CNBD1: variants seen among roughly 807,000 people sequenced by gnomAD.
The protein encoded by CNBD1 is cyclic nucleotide binding domain containing 1, also known as cyclic nucleotide-binding domain-containing protein 1.
In CNBD1, 71 loss-of-function variants were observed where a neutral mutation model predicts 54.4. The ratio of observed to expected loss-of-function variants is 1.30; its 90% CI spans 1.08 to 1.59. CNBD1 has a LOEUF of 1.59. CNBD1 is among the 40% of genes most tolerant of loss of function. The probability of loss-of-function intolerance (pLI) is 0.00; values close to 1 mark genes in which losing one functional copy is unlikely to be tolerated. For missense variants in CNBD1, 659 were observed against 518.0 expected, an observed-to-expected ratio of 1.27 and a Z score of -2.64; for synonymous variants, 182 against 170.7, an observed-to-expected ratio of 1.07 and a Z score of -0.51.
At chr8:87,151,214 A>G (rs1812596117) in intron 4 of CNBD1, among the ~76,000 whole-genome samples, 2 of 152,198 alleles carry the variant, frequency 1.3e-5, no homozygotes, top group Admixed American at 6.5e-5. Context: ...GAAAATTACC[A>G]GGAGCATCCT....
chr8:86,999,126 C>G (rs921946678), intron 4 of CNBD1, among the ~76,000 whole-genome samples: 2 of 152,088 alleles, frequency 1.3e-5, no homozygotes, highest in East Asian at 3.9e-4. Context: ...GAAGAGTGAC[C>G]GAAGGGCAGG....
intron 4 of CNBD1, among the ~76,000 whole-genome samples, chr8:87,175,115 C>A (rs955204386): frequency 1.3e-5 from 2 of 152,178 alleles, no homozygotes; most frequent in African/African-American, 4.8e-5. Context: ...TCTCTACAGT[C>A]TCAGGTGGTA....
chr8:87,046,963 T>C lies in CNBD1; in HGVS notation c.431+107209T>C, dbSNP rs1267186507. 4.6e-5 allele frequency among the ~76,000 whole-genome samples: 7 copies of C among 152,176 alleles called. No homozygotes were observed. In the East Asian group the frequency reaches 1.4e-3, roughly 29 times the overall value. ...TGTGTTATTTGCTATTCTGATGTAATACTGGTAAGAGGAGTTACGCAGGGG... is the reference window on the plus strand; with the variant it reads ...TGTGTTATTTGCTATTCTGATGTAACACTGGTAAGAGGAGTTACGCAGGGG... On this transcript the variant is annotated intron_variant, in intron 4 of 10. Coordinates refer to ENST00000518476, the MANE Select transcript of CNBD1 (RefSeq NM_173538.3).
At chr8:86,869,714 A>G (rs915767794) in intron 1 of CNBD1, among the ~76,000 whole-genome samples, 1 of 152,336 alleles carries the variant, frequency 6.6e-6, no homozygotes, top group Non-Finnish European at 1.5e-5. Flanking sequence ...GAATTATTTT[A>G]AAAACATCAT....
intron 4 of CNBD1, among the ~76,000 whole-genome samples, chr8:87,068,607 G>A (rs986085305): frequency 3.3e-5 from 5 of 152,072 alleles, no homozygotes; most frequent in Admixed American, 6.6e-5. Context: ...TTTTCTAAAA[G>A]CAAGGGATAT....
At chr8:87,219,469 C>T (rs1814280096) in intron 5 of CNBD1, among the ~76,000 whole-genome samples, 1 of 151,934 alleles carries the variant, frequency 6.6e-6, no homozygotes. Flanking sequence ...ATACCTTCAG[C>T]TTAACCACAA....
chr8:87,152,207 T>C (rs888930864), intron 4 of CNBD1, among the ~76,000 whole-genome samples: 2 of 151,972 alleles, frequency 1.3e-5, no homozygotes, highest in African/African-American at 4.8e-5. Flanking sequence ...GAGTTGACTA[T>C]GGTATTGATG....
At chr8:87,081,921 T>A (rs1313922441) in intron 4 of CNBD1, among the ~76,000 whole-genome samples, 1 of 152,162 alleles carries the variant, frequency 6.6e-6, no homozygotes, top group Admixed American at 6.5e-5. Flanking sequence ...TGATAGAGGA[T>A]TAATTGTAGT....
intron 8 of CNBD1, among the ~76,000 whole-genome samples, chr8:87,334,118 A>G (rs1027496598): frequency 1.3e-5 from 2 of 152,006 alleles, no homozygotes; most frequent in African/African-American, 2.4e-5. Flanking sequence ...GGGAGGGTGT[A>G]TGTGTCCAAG....
rs114268263 is a variant in CNBD1, at chr8:86,939,544, A to G, written c.273-52A>G. On this transcript the variant is annotated intron_variant, in intron 3 of 10. Coordinates refer to ENST00000518476, the MANE Select transcript of CNBD1 (RefSeq NM_173538.3). Reference sequence around the variant, plus strand: ...TGCAATATAGTAAAAGTCCCTGTAAATAATTTTTATGCAGTATACAACAGC... The same window carrying G: ...TGCAATATAGTAAAAGTCCCTGTAAGTAATTTTTATGCAGTATACAACAGC... The G allele has an allele frequency of 2.9e-4, 374 of 1,270,866 alleles. No individual in the cohort carries two copies. The African/African-American group carries it at 5.3e-3, about 18-fold the overall frequency. 78.7% of individuals were successfully genotyped at this position (1,270,866 alleles called of 1,614,324 possible).
chr8:87,284,555 C>A, intron 6 of CNBD1, 123 bp from the exon 7 acceptor site: 1 of 754,256 alleles, frequency 1.3e-6, no homozygotes, highest in Non-Finnish European at 2.0e-6. Context: ...GCCATCCATG[C>A]AGAGACAGTT....
At chr8:87,253,935 T>C (rs975381689) in intron 6 of CNBD1, among the ~76,000 whole-genome samples, 27 of 152,176 alleles carry the variant, frequency 1.8e-4, no homozygotes, top group Admixed American at 3.3e-4. Context: ...TTTGAGTCAC[T>C]AGTAAAATTC....
At chr8:86,879,168 C>G (rs1001810724) in intron 1 of CNBD1, among the ~76,000 whole-genome samples, 2 of 151,958 alleles carry the variant, frequency 1.3e-5, no homozygotes. Flanking sequence ...TCTCACCTGA[C>G]AAATTAGAGT....
chr8:87,220,271 G>A (rs1278326368), intron 5 of CNBD1, among the ~76,000 whole-genome samples: 2 of 151,896 alleles, frequency 1.3e-5, no homozygotes, highest in Non-Finnish European at 2.9e-5. Context: ...TGAGAGGGTC[G>A]ATTTTAAAAG....
At chr8:87,203,549 A>G (rs1263393730) in intron 4 of CNBD1, among the ~76,000 whole-genome samples, 2 of 152,214 alleles carry the variant, frequency 1.3e-5, no homozygotes, top group Non-Finnish European at 2.9e-5. Context: ...TAGAGATAGA[A>G]GGAACCCATT....
chr8:87,237,326 G>GGA (rs911980315), intron 6 of CNBD1: 8 of 359,376 alleles, frequency 2.2e-5, no homozygotes, highest in African/African-American at 1.5e-4. Context: ...CACTGGCAGG[G>GGA]TTTGTGTGGT....
intron 10 of CNBD1, among the ~76,000 whole-genome samples, chr8:87,376,430 G>C (rs1290169401): frequency 2.0e-5 from 3 of 151,840 alleles, no homozygotes; most frequent in Non-Finnish European, 4.4e-5. Flanking sequence ...CGTCACATTG[G>C]ACGTTAGGAT....
At chr8:87,224,885 T>C (rs1814442035) in intron 5 of CNBD1, among the ~76,000 whole-genome samples, 1 of 152,054 alleles carries the variant, frequency 6.6e-6, no homozygotes, top group East Asian at 1.9e-4. Context: ...GCATGGAATG[T>C]TCTTCCATTT....
intron 2 of CNBD1, among the ~76,000 whole-genome samples, chr8:87,420,916 T>C (rs1162466235): frequency 1.3e-5 from 2 of 152,080 alleles, no homozygotes; most frequent in African/African-American, 4.8e-5. Context: ...ATGTTACTGA[T>C]CGTGGAGTAA....
Sources: gnomAD v4.1 joint callset for allele counts (sites outside exome capture counted in the v4.1 genomes callset) on GRCh38, gnomAD v4.1.1 for gene constraint, MANE v1.5 for transcripts, NCBI Gene and HGNC (gene_info 2026-07-23, HGNC 2026-07-21) for gene names.